GSE1: variants seen among roughly 807,000 people sequenced by gnomAD.
The protein encoded by GSE1 is Gse1 coiled-coil protein, also known as genetic suppressor element 1.
GSE1 carries 32 observed loss-of-function variants against 112.6 expected under a neutral mutation model. The observed-to-expected ratio is 0.28, with a 90% CI of 0.21 to 0.38. The LOEUF is 0.38. Ranked by LOEUF, GSE1 falls within the 10% of genes least tolerant of loss-of-function variation. The probability of loss-of-function intolerance (pLI) is 1.00; values close to 1 mark genes in which losing one functional copy is unlikely to be tolerated. For synonymous variants in GSE1, 1,115 were observed against 735.6 expected (o/e 1.52, Z -8.35); for missense variants, 2,348 against 1,699.2 (o/e 1.38, Z -6.71).
intron 1 of GSE1, 140 bp downstream of exon 1, chr16:85,613,538 A>T: frequency 1.2e-6 from 1 of 810,054 alleles, no homozygotes; most frequent in Non-Finnish European, 1.9e-6. Context: ...CGGCGATAAG[A>T]GCCGGGAGGG....
At chr16:85,175,442 C>T (rs538307639) in intron 1 of GSE1, among the ~76,000 whole-genome samples, 2 of 152,382 alleles carry the variant, frequency 1.3e-5, no homozygotes, top group South Asian at 2.1e-4. Context: ...CTTCATGCTG[C>T]TGGGAGTCGG....
intron 1 of GSE1, among the ~76,000 whole-genome samples, chr16:85,598,062 C>G (rs1220771425): frequency 6.6e-6 from 1 of 151,918 alleles, no homozygotes; most frequent in African/African-American, 2.4e-5. Context: ...TCCTCGGAAC[C>G]TGACCCTGGA....
At chr16:85,659,350 A>G (rs529233806) in intron 8 of GSE1, 4 of 152,206 alleles carry the variant, frequency 2.6e-5, no homozygotes, top group South Asian at 4.1e-4. Context: ...TCCTGTGAGT[A>G]TATCTCCCTT....
At chr16:85,547,110 G>A (rs13339618) in intron 2 of GSE1, among the ~76,000 whole-genome samples, 33,151 of 152,112 alleles carry the variant, frequency 0.22, 4,174 homozygotes, top group South Asian at 0.4. Flanking sequence ...CAGTCCCTGT[G>A]ACACACCTGA....
At chr16:85,368,354 G>C (rs569920687) in intron 2 of GSE1, among the ~76,000 whole-genome samples, 2 of 152,220 alleles carry the variant, frequency 1.3e-5, no homozygotes, top group East Asian at 1.9e-4. Flanking sequence ...GAGAGCCTTG[G>C]CTCTCCTGCC....
chr16:85,648,448 G>T, intron 2 of GSE1, 104 bp from the exon 3 acceptor site: 1 of 627,614 alleles, frequency 1.6e-6, no homozygotes, highest in Non-Finnish European at 2.8e-6. Flanking sequence ...GAGGTCTGGG[G>T]CCTCACTTGG....
chr16:85,641,034 C>T (rs1267457912), intron 2 of GSE1, among the ~76,000 whole-genome samples: 1 of 152,242 alleles, frequency 6.6e-6, no homozygotes, highest in Non-Finnish European at 1.5e-5. Flanking sequence ...TGGAGGAGCC[C>T]AGTACTTGGC....
At chr16:85,637,129 T>C (rs910938849) in intron 2 of GSE1, among the ~76,000 whole-genome samples, 1 of 152,214 alleles carries the variant, frequency 6.6e-6, no homozygotes, top group African/African-American at 2.4e-5. Flanking sequence ...TTCTAGAACA[T>C]TTGGGTCACC....
chr16:85,352,139 A>G (rs2046863489), intron 1 of GSE1, among the ~76,000 whole-genome samples: 1 of 152,092 alleles, frequency 6.6e-6, no homozygotes, highest in Admixed American at 6.5e-5. Context: ...TGGAGCAGGG[A>G]TGTGGCGTCT....
At position 85,433,269 on chromosome 16, in the gene GSE1, T is replaced by C. The variant is rs77222846; in HGVS notation, c.2464+75626T>C. ...CATAAGAACCCCAAAGAAACATCTC[T>C]TATGCCCATTTTACAGGCAAAGGAA... On this transcript the variant is annotated intron_variant, in intron 2 of 2. Transcript: ENST00000637419. 2.7e-3 allele frequency among the ~76,000 whole-genome samples: 417 copies of C among 152,200 alleles called. 4 individuals carry two copies. Among genetic ancestry groups the C allele is most frequent in the African/African-American group, 9.6e-3 (398 of 41,488 alleles).
chr16:85,637,915 G>A (rs1367841724), intron 2 of GSE1, among the ~76,000 whole-genome samples: 2 of 152,210 alleles, frequency 1.3e-5, no homozygotes. Flanking sequence ...CACGTCCTGG[G>A]CAGAGGGGGC....
intron 7 of GSE1, among the ~76,000 whole-genome samples, chr16:85,656,876 G>C (rs1464921498): frequency 6.6e-6 from 1 of 152,280 alleles, no homozygotes; most frequent in African/African-American, 2.4e-5. Flanking sequence ...CAGGAGGACA[G>C]TTGTGAAATG....
chr16:85,427,247 C>T (rs183851062), intron 2 of GSE1, among the ~76,000 whole-genome samples: 13 of 152,300 alleles, frequency 8.5e-5, no homozygotes, highest in East Asian at 1.9e-4. Flanking sequence ...ACACTGTCTA[C>T]GGATTATACA....
At chr16:85,231,629 T>C (rs1393476275) in intron 1 of GSE1, among the ~76,000 whole-genome samples, 1 of 152,132 alleles carries the variant, frequency 6.6e-6, no homozygotes, top group Non-Finnish European at 1.5e-5. Flanking sequence ...GGGTGGCTAG[T>C]TGGATGTAGC....
chr16:85,635,620 C>T (rs1469009743), intron 2 of GSE1, among the ~76,000 whole-genome samples: 2 of 152,166 alleles, frequency 1.3e-5, no homozygotes, highest in African/African-American at 2.4e-5. Context: ...CAGAGCTGGC[C>T]CAGCTCCTGC....
intron 2 of GSE1, among the ~76,000 whole-genome samples, chr16:85,502,945 G>T (rs972806982): frequency 6.6e-6 from 1 of 152,214 alleles, no homozygotes; most frequent in Non-Finnish European, 1.5e-5. Flanking sequence ...GCGGGAGGAG[G>T]ATTATCGGAG....
intron 2 of GSE1, among the ~76,000 whole-genome samples, chr16:85,550,488 C>T (rs911460887): frequency 1.3e-5 from 2 of 152,152 alleles, no homozygotes; most frequent in African/African-American, 2.4e-5. Flanking sequence ...GCTGCCCACC[C>T]GAGAACAGAC....
At chr16:85,374,400 G>T (rs1034336225) in intron 2 of GSE1, among the ~76,000 whole-genome samples, 1 of 152,004 alleles carries the variant, frequency 6.6e-6, no homozygotes, top group Non-Finnish European at 1.5e-5. Flanking sequence ...GGTTGTGTGT[G>T]GCCCTCCGTG....
chr16:85,528,885 G>C (rs754142930), intron 2 of GSE1, among the ~76,000 whole-genome samples: 1 of 152,172 alleles, frequency 6.6e-6, no homozygotes, highest in Non-Finnish European at 1.5e-5. Flanking sequence ...CTGGTGCAGA[G>C]GCCCTGGGGC....
Sources: gnomAD v4.1 joint callset for allele counts (sites outside exome capture counted in the v4.1 genomes callset) on GRCh38, gnomAD v4.1.1 for gene constraint, MANE v1.5 for transcripts, NCBI Gene and HGNC (gene_info 2026-07-23, HGNC 2026-07-21) for gene names.